The following EDIL3 variants were observed in gnomAD, a reference collection of about 807,000 sequenced individuals.
The protein encoded by EDIL3 is EGF like and discoidin domains 3.
Under a neutral mutation model 67.4 loss-of-function variants are expected in EDIL3, and 37 were observed. The ratio of observed to expected loss-of-function variants is 0.55; its 90% CI spans 0.42 to 0.72. The LOEUF is 0.72. EDIL3 is among the 30% of genes least tolerant of loss of function. EDIL3 has a pLI of 0.00. For missense variants in EDIL3, 527 were observed against 586.3 expected (o/e 0.90, Z 1.04); for synonymous variants, 195 against 196.3 (o/e 0.99, Z 0.05).
chr5:84,014,068 A>T (rs1289776658), intron 9 of EDIL3, among the ~76,000 whole-genome samples: 1 of 152,106 alleles, frequency 6.6e-6, no homozygotes, highest in African/African-American at 2.4e-5. Context: ...CTATAAACTT[A>T]CTCCTATGTA....
Position 84,137,158 on chromosome 5 carries a change from C to A in EDIL3, c.469+83G>T. Reference sequence around the variant, plus strand: ...GATGATGTACATAAAAATATATATGCATACATATATGTGTGTGTGTATACA... The same window carrying A: ...GATGATGTACATAAAAATATATATGAATACATATATGTGTGTGTGTATACA... On this transcript the variant is annotated intron_variant, in intron 5 of 10. Transcript: ENST00000296591. 4 of 861,024 alleles carry A rather than the reference C, an allele frequency of 4.6e-6. No homozygotes were observed. In the South Asian group the frequency reaches 6.8e-5, roughly 15 times the overall value. 53.3% of individuals were successfully genotyped at this position (861,024 alleles called of 1,614,324 possible). A position where few individuals can be genotyped will look rare whatever the true frequency, so the allele number is the denominator to read the frequency against.
intron 1 of EDIL3, among the ~76,000 whole-genome samples, chr5:84,295,237 A>C (rs966723300): frequency 4.6e-5 from 7 of 152,130 alleles, no homozygotes; most frequent in African/African-American, 1.2e-4. Flanking sequence ...GTAGGTGTGA[A>C]TATGTGTGTG....
At chr5:84,229,475 A>T (rs762571298) in intron 3 of EDIL3, among the ~76,000 whole-genome samples, 1 of 152,150 alleles carries the variant, frequency 6.6e-6, no homozygotes, top group Non-Finnish European at 1.5e-5. Flanking sequence ...GGTATTTCTG[A>T]AAGTTTATTT....
intron 1 of EDIL3, among the ~76,000 whole-genome samples, chr5:84,259,998 T>A (rs915347087): frequency 3.3e-5 from 5 of 152,172 alleles, no homozygotes; most frequent in African/African-American, 4.8e-5. Context: ...CTACTGAGAA[T>A]CAGGTAGAAA....
chr5:84,213,271 C>T (rs951765178), intron 3 of EDIL3, among the ~76,000 whole-genome samples: 2 of 151,758 alleles, frequency 1.3e-5, no homozygotes, highest in Admixed American at 6.6e-5. Flanking sequence ...ATGCAGAATG[C>T]TAAAATGTTT....
intron 10 of EDIL3, among the ~76,000 whole-genome samples, chr5:83,953,709 C>T (rs1187505314): frequency 6.6e-6 from 1 of 151,788 alleles, no homozygotes; most frequent in Admixed American, 6.6e-5. Flanking sequence ...TGCCTCTTCA[C>T]ACAGGTATAA....
At chr5:84,242,274 C>A (rs1744813208) in intron 2 of EDIL3, among the ~76,000 whole-genome samples, 1 of 151,848 alleles carries the variant, frequency 6.6e-6, no homozygotes, top group Non-Finnish European at 1.5e-5. Flanking sequence ...GAAGTTGGTA[C>A]TGTTAACCCC....
At chr5:84,148,211 C>T (rs1026417213) in intron 4 of EDIL3, among the ~76,000 whole-genome samples, 7 of 152,102 alleles carry the variant, frequency 4.6e-5, no homozygotes, top group African/African-American at 1.7e-4. Context: ...TTGGTTATGG[C>T]CATGGAGGAA....
chr5:84,267,988 T>C (rs1745383082), intron 1 of EDIL3, among the ~76,000 whole-genome samples: 1 of 152,036 alleles, frequency 6.6e-6, no homozygotes, highest in African/African-American at 2.4e-5. Flanking sequence ...ATACAAAAAG[T>C]TAGCTGGGCA....
intron 5 of EDIL3, among the ~76,000 whole-genome samples, chr5:84,135,736 G>A (rs1028992421): frequency 6.6e-6 from 1 of 152,134 alleles, no homozygotes; most frequent in Non-Finnish European, 1.5e-5. Flanking sequence ...TACTTACTCA[G>A]CCTTCCCTTT....
At chr5:83,990,866 A>G (rs1458887671) in intron 9 of EDIL3, among the ~76,000 whole-genome samples, 2 of 148,956 alleles carry the variant, frequency 1.3e-5, no homozygotes, top group Non-Finnish European at 3.0e-5. Context: ...GGCAACAGAG[A>G]AAGACTCTGT....
At chr5:84,009,856 T>C (rs762942209) in intron 9 of EDIL3, among the ~76,000 whole-genome samples, 1 of 152,098 alleles carries the variant, frequency 6.6e-6, no homozygotes, top group Non-Finnish European at 1.5e-5. Flanking sequence ...CTACGCACAA[T>C]TCTTCTTTCC....
intron 1 of EDIL3, among the ~76,000 whole-genome samples, chr5:84,328,636 C>T (rs150338242): frequency 9.3e-4 from 141 of 152,056 alleles, no homozygotes; most frequent in African/African-American, 3.1e-3. Flanking sequence ...TTTACCATGC[C>T]TCTGCTTCAA....
intron 8 of EDIL3, among the ~76,000 whole-genome samples, chr5:84,061,036 C>A (rs996778110): frequency 3.9e-5 from 6 of 152,022 alleles, no homozygotes; most frequent in African/African-American, 1.4e-4. Context: ...CTTATAGCAC[C>A]AACATGGCTT....
At chr5:84,346,551 G>A (rs10068579) in intron 1 of EDIL3, among the ~76,000 whole-genome samples, 2,694 of 152,218 alleles carry the variant, frequency 0.018, 73 homozygotes, top group African/African-American at 0.062. Context: ...AGGTAGATGA[G>A]TACAGTGTAC....
rs1304292581 is a variant in EDIL3, at chr5:84,303,822, G to C, written c.68-49610C>G. ...TCTCTCTCTCTCTGTGTGTGTGTGT[G>C]TGTGTGTGTGTGTGTGTGTGTGTGT... On this transcript the variant is annotated intron_variant, in intron 1 of 10. Transcript: ENST00000296591. 7.9e-3 allele frequency among the ~76,000 whole-genome samples: 954 copies of C among 120,792 alleles called. 5 individuals are homozygous for C. Among genetic ancestry groups the C allele is most frequent in the African/African-American group, 0.024 (863 of 35,810 alleles). 79.2% of individuals were successfully genotyped at this position (120,792 alleles called of 152,430 possible). A position where few individuals can be genotyped will look rare whatever the true frequency, so the allele number is the denominator to read the frequency against.
At chr5:84,307,654 T>C (rs1746299747) in intron 1 of EDIL3, among the ~76,000 whole-genome samples, 1 of 152,126 alleles carries the variant, frequency 6.6e-6, no homozygotes, top group African/African-American at 2.4e-5. Context: ...AAACGAACTC[T>C]CTCTGAGGGA....
At chr5:84,293,978 G>C (rs868106715) in intron 1 of EDIL3, among the ~76,000 whole-genome samples, 2 of 152,030 alleles carry the variant, frequency 1.3e-5, no homozygotes, top group African/African-American at 4.8e-5. Context: ...ATTTGCAAAT[G>C]TTTATATAAA....
intron 6 of EDIL3, among the ~76,000 whole-genome samples, chr5:84,103,466 T>C (rs1747404333): frequency 6.6e-6 from 1 of 151,966 alleles, no homozygotes; most frequent in African/African-American, 2.4e-5. Context: ...TTTCAAACTA[T>C]GCATCTGATA....
Sources: allele counts gnomAD v4.1 joint callset (sites outside exome capture counted in the v4.1 genomes callset), GRCh38; gene constraint gnomAD v4.1.1; transcripts MANE v1.5; gene names NCBI Gene and HGNC (gene_info 2026-07-23, HGNC 2026-07-21).